CDK14: variants seen among roughly 807,000 people sequenced by gnomAD.
CDK14 encodes cyclin-dependent kinase 14.
CDK14 carries 34 observed loss-of-function variants against 60.7 expected under a neutral mutation model. That is an observed-to-expected ratio of 0.56 (90% CI 0.43 to 0.75). The LOEUF is 0.75. Among genes scored for constraint, CDK14 ranks in the 30% least tolerant of loss-of-function variants. The pLI, the probability that CDK14 is intolerant of heterozygous loss-of-function variation, is 0.00. For synonymous variants in CDK14, 197 were observed against 203.7 expected (o/e 0.97, Z 0.28); for missense variants, 482 against 564.1 (o/e 0.85, Z 1.47).
intron 2 of CDK14, among the ~76,000 whole-genome samples, chr7:90,675,545 A>G (rs533706509): frequency 3.6e-4 from 55 of 152,340 alleles, no homozygotes; most frequent in Non-Finnish European, 5.0e-4. Flanking sequence ...TAACTTTTAA[A>G]TAACCAGCCA....
At chr7:90,890,419 G>A (rs182717743) in intron 6 of CDK14, among the ~76,000 whole-genome samples, 1 of 152,228 alleles carries the variant, frequency 6.6e-6, no homozygotes, top group East Asian at 1.9e-4. Flanking sequence ...GACAGATAGA[G>A]CCCCTTTGAT....
At chr7:90,671,866 T>G (rs756744393) in intron 2 of CDK14, among the ~76,000 whole-genome samples, 4 of 152,214 alleles carry the variant, frequency 2.6e-5, no homozygotes, top group Non-Finnish European at 5.9e-5. Context: ...GTTTGCTGTT[T>G]AAAACTGAGG....
At chr7:90,717,683 G>C (rs781677480) in intron 2 of CDK14, among the ~76,000 whole-genome samples, 13 of 152,090 alleles carry the variant, frequency 8.5e-5, no homozygotes, top group Non-Finnish European at 1.8e-4. Context: ...AACTCAGAAG[G>C]TACCTTGTTT....
Position 90,668,696 on chromosome 7 carries a change from A to ATTATTTTTTTT in CDK14, c.124-57869_124-57868insATTTTTTTTTT, listed in dbSNP as rs1554431005. On this transcript the variant is annotated intron_variant, in intron 2 of 14. Transcript: ENST00000380050. ...TTATATGGTGTAAGGAAGGACTCGC[A>ATTATTTTTTTT]TTCTTTTTTTTTTTTTTTTTTTTTT... Among the ~76,000 whole-genome samples, 42 of 68,428 alleles carry ATTATTTTTTTT rather than the reference A, an allele frequency of 6.1e-4. 2 individuals carry two copies. The highest frequency in any genetic ancestry group is 1.3e-3 in the Admixed American group (6 of 4,700). The allele number at this position is 68,428 out of a possible 152,430, so 44.9% of individuals were successfully genotyped here.
chr7:90,868,248 C>T (rs1319620891), intron 6 of CDK14, among the ~76,000 whole-genome samples: 1 of 150,954 alleles, frequency 6.6e-6, no homozygotes, highest in African/African-American at 2.4e-5. Flanking sequence ...GTCATTTTGC[C>T]TTTATTATAC....
intron 2 of CDK14, among the ~76,000 whole-genome samples, chr7:90,711,599 A>G (rs1584810899): frequency 6.6e-6 from 1 of 152,104 alleles, no homozygotes; most frequent in African/African-American, 2.4e-5. Context: ...TCATTCTGCA[A>G]ATATTGATTA....
intron 4 of CDK14, among the ~76,000 whole-genome samples, chr7:90,765,563 A>C (rs1216838155): frequency 6.6e-6 from 1 of 151,930 alleles, no homozygotes; most frequent in Non-Finnish European, 1.5e-5. Flanking sequence ...CAAATCAATG[A>C]ATCCTGAAAG....
At chr7:90,762,698 C>T (rs1220232632) in intron 4 of CDK14, among the ~76,000 whole-genome samples, 1 of 152,066 alleles carries the variant, frequency 6.6e-6, no homozygotes, top group Non-Finnish European at 1.5e-5. Context: ...TAAAAGATAG[C>T]TGGAAGGCCC....
Position 91,060,001 on chromosome 7 carries a change from C to T in CDK14, c.1105+14041C>T, listed in dbSNP as rs144024387. On this transcript the variant is annotated intron_variant, in intron 11 of 14. Coordinates refer to ENST00000380050, the MANE Select transcript of CDK14 (RefSeq NM_001287135.2). ...CGTGGATCTGTCTAATGTTGAAAGT[C>T]GGGTGCTAAAGTCTCCCATTATTAT... Among the ~76,000 whole-genome samples the T allele has an allele frequency of 8.9e-3, 1,345 of 151,794 alleles. 18 individuals carry two copies. The highest frequency in any genetic ancestry group is 0.027 in the African/African-American group (1,114 of 41,472).
chr7:91,063,400 G>A lies in CDK14; in HGVS notation c.1106-16032G>A, dbSNP rs557976644. 9.9e-5 allele frequency among the ~76,000 whole-genome samples: 15 copies of A among 152,276 alleles called. No homozygotes were observed. In the South Asian group the frequency reaches 1.0e-3, roughly 11 times the overall value. Reference sequence around the variant, plus strand: ...AAACTGACTACTAATTATTCGCTCCGGCGTAAGATCTGATAAGATTTCCTT... The same window carrying A: ...AAACTGACTACTAATTATTCGCTCCAGCGTAAGATCTGATAAGATTTCCTT... On this transcript the variant is annotated intron_variant, in intron 11 of 14. Coordinates refer to ENST00000380050, the MANE Select transcript of CDK14 (RefSeq NM_001287135.2).
chr7:90,985,085 T>G (rs1258159370), intron 10 of CDK14, among the ~76,000 whole-genome samples: 2 of 152,236 alleles, frequency 1.3e-5, no homozygotes, highest in African/African-American at 4.8e-5. Context: ...TGTAAGATTT[T>G]AATTAGAGAG....
At chr7:91,040,605 C>T (rs6980314) in intron 10 of CDK14, among the ~76,000 whole-genome samples, 4,264 of 152,308 alleles carry the variant, frequency 0.028, 193 homozygotes, top group African/African-American at 0.096. Context: ...GCCCCTAAAA[C>T]TTAAAGCCTT....
intron 8 of CDK14, among the ~76,000 whole-genome samples, chr7:90,929,215 C>T (rs1383138335): frequency 2.0e-5 from 3 of 152,238 alleles, no homozygotes; most frequent in Admixed American, 6.5e-5. Flanking sequence ...GGGCTGCACC[C>T]AGTGTCTGAC....
intron 2 of CDK14, chr7:90,709,951 C>G: frequency 9.0e-7 from 1 of 1,106,140 alleles, no homozygotes; most frequent in Non-Finnish European, 1.1e-6. Context: ...GAGACAACAG[C>G]AAAACGGTAA....
intron 2 of CDK14, among the ~76,000 whole-genome samples, chr7:90,637,791 G>T: frequency 9.1e-6 from 1 of 109,754 alleles, no homozygotes. Context: ...TAGGTCCTAA[G>T]GACTTGCTTT....
chr7:90,600,922 G>A (rs139326215), intron 1 of CDK14, among the ~76,000 whole-genome samples: 1 of 152,326 alleles, frequency 6.6e-6, no homozygotes, highest in African/African-American at 2.4e-5. Flanking sequence ...TGTTCTGACA[G>A]TCAGATCGAC....
At chr7:91,137,716 ATGTGTGTG>A (rs34823535) in intron 14 of CDK14, among the ~76,000 whole-genome samples, 95 of 130,702 alleles carry the variant, frequency 7.3e-4, no homozygotes, top group Middle Eastern at 7.7e-3. Flanking sequence ...GTGTGTGTGT[ATGTGTGTG>A]TGTGTGTGTT....
chr7:90,833,853 G>A (rs1336435749), intron 5 of CDK14, among the ~76,000 whole-genome samples: 1 of 152,184 alleles, frequency 6.6e-6, no homozygotes, highest in Non-Finnish European at 1.5e-5. Context: ...TTTTTAGGGT[G>A]AAAATGAACA....
At chr7:90,614,955 T>C (rs1799618662) in intron 2 of CDK14, among the ~76,000 whole-genome samples, 1 of 152,204 alleles carries the variant, frequency 6.6e-6, no homozygotes, top group African/African-American at 2.4e-5. Flanking sequence ...AAAAGCCAGG[T>C]ATTAGCAAAA....
Sources: allele counts gnomAD v4.1 joint callset (sites outside exome capture counted in the v4.1 genomes callset), GRCh38; gene constraint gnomAD v4.1.1; transcripts MANE v1.5; gene names NCBI Gene and HGNC (gene_info 2026-07-23, HGNC 2026-07-21).